NBEA: variants seen among roughly 807,000 people sequenced by gnomAD.
NBEA encodes the protein neurobeachin.
NBEA carries 44 observed loss-of-function variants against 343.4 expected under a neutral mutation model. The observed-to-expected ratio is 0.13, with a 90% confidence interval of 0.10 to 0.16. The LOEUF is 0.16. Ranked by LOEUF, NBEA falls within the 10% of genes least tolerant of loss-of-function variation. The pLI, the probability that NBEA is intolerant of heterozygous loss-of-function variation, is 1.00. For synonymous variants in NBEA, 1,175 were observed against 1,238.7 expected, an observed-to-expected ratio of 0.95 and a Z score of 1.08; for missense variants, 2,555 against 3,631.3, an observed-to-expected ratio of 0.70 and a Z score of 7.62.
At chr13:35,431,819 A>T (rs895530900) in intron 38 of NBEA, among the ~76,000 whole-genome samples, 2 of 152,150 alleles carry the variant, frequency 1.3e-5, no homozygotes, top group Non-Finnish European at 2.9e-5. Context: ...TATACTTCTT[A>T]ATTCAGCCTA....
chr13:34,977,123 A>C (rs144732241), intron 1 of NBEA, among the ~76,000 whole-genome samples: 8 of 151,824 alleles, frequency 5.3e-5, no homozygotes, highest in Admixed American at 5.3e-4. Flanking sequence ...TATTTTTAGT[A>C]GAGATGATAT....
chr13:35,430,204 G>C (rs1183325360), intron 38 of NBEA, among the ~76,000 whole-genome samples: 1 of 151,940 alleles, frequency 6.6e-6, no homozygotes, highest in Non-Finnish European at 1.5e-5. Flanking sequence ...GCATTTCTCT[G>C]ATAATTAATG....
chr13:35,177,828 A>G (rs1189292861), intron 28 of NBEA, among the ~76,000 whole-genome samples: 1 of 151,752 alleles, frequency 6.6e-6, no homozygotes, highest in Non-Finnish European at 1.5e-5. Flanking sequence ...TGTATATGAA[A>G]TGTAGAAGAA....
chr13:35,049,629 G>A (rs1208336569), intron 5 of NBEA, among the ~76,000 whole-genome samples: 1 of 151,836 alleles, frequency 6.6e-6, no homozygotes, highest in Admixed American at 6.6e-5. Flanking sequence ...GGACTTCAAA[G>A]TGGTCATTTT....
intron 38 of NBEA, among the ~76,000 whole-genome samples, chr13:35,377,000 T>C (rs1352926901): frequency 6.6e-6 from 1 of 152,152 alleles, no homozygotes; most frequent in Non-Finnish European, 1.5e-5. Context: ...AAGCCTATTA[T>C]AGTTACATAC....
chr13:35,242,120 T>A (rs948971166), intron 34 of NBEA, among the ~76,000 whole-genome samples: 3 of 151,902 alleles, frequency 2.0e-5, no homozygotes, highest in Admixed American at 6.6e-5. Context: ...TTAAAACAAC[T>A]GTCTTTAATA....
intron 38 of NBEA, among the ~76,000 whole-genome samples, chr13:35,394,951 T>A (rs1261852103): frequency 1.3e-5 from 2 of 152,168 alleles, no homozygotes; most frequent in Non-Finnish European, 2.9e-5. Context: ...TTTATCTGTT[T>A]TACTTCCTTT....
At chr13:35,653,278 G>A (rs1305554738) in intron 53 of NBEA, among the ~76,000 whole-genome samples, 5 of 149,978 alleles carry the variant, frequency 3.3e-5, no homozygotes, top group Admixed American at 6.6e-5. Context: ...AAAATGCTAC[G>A]AAAAATTATT....
intron 38 of NBEA, among the ~76,000 whole-genome samples, chr13:35,378,321 CAG>C (rs1594409999): frequency 6.6e-6 from 1 of 152,124 alleles, no homozygotes; most frequent in African/African-American, 2.4e-5. Flanking sequence ...TTCTAAGAGA[CAG>C]AGAAAAATTC....
chr13:35,551,893 TTTATC>T (rs2079344304), intron 43 of NBEA, among the ~76,000 whole-genome samples: 3 of 152,202 alleles, frequency 2.0e-5, no homozygotes, highest in African/African-American at 7.2e-5. Context: ...TAAAGCAATC[TTTATC>T]TTAAGTCCCT....
intron 1 of NBEA, among the ~76,000 whole-genome samples, chr13:34,967,348 CTT>C (rs1355519773): frequency 6.9e-6 from 1 of 145,008 alleles, no homozygotes; most frequent in African/African-American, 2.5e-5. Flanking sequence ...TTTCTTTTAC[CTT>C]TTTTTTTTTA....
At position 35,429,834 on chromosome 13, in the gene NBEA, T is replaced by TAC. The variant is rs1555262950; in HGVS notation, c.6180-2429_6180-2428dup. Among the ~76,000 whole-genome samples the TAC allele has an allele frequency of 8.6e-3, 1,273 of 148,440 alleles. 17 individuals are homozygous for TAC. The highest frequency in any genetic ancestry group is 0.022 in the East Asian group (109 of 4,882). ...GTGTGTGTGTGTGTGTGTGTGTGTG[T>TAC]ACACACATTTTCTTTATCCACTCAC... On this transcript the variant is annotated intron_variant, in intron 38 of 58. Transcript: ENST00000379939.
At chr13:35,277,809 G>A (rs902579341) in intron 34 of NBEA, among the ~76,000 whole-genome samples, 3 of 151,332 alleles carry the variant, frequency 2.0e-5, no homozygotes, top group Non-Finnish European at 2.9e-5. Context: ...ATTTAGAGTC[G>A]GTTACAGTGG....
chr13:35,099,196 A>C (rs954587649), intron 11 of NBEA, among the ~76,000 whole-genome samples: 1 of 138,266 alleles, frequency 7.2e-6, no homozygotes, highest in Non-Finnish European at 1.6e-5. Context: ...TGCCTGGCTA[A>C]AGTTTTTTTT....
chr13:35,547,920 AT>A (rs1376918667), intron 41 of NBEA, among the ~76,000 whole-genome samples: 17 of 151,044 alleles, frequency 1.1e-4, no homozygotes, highest in Non-Finnish European at 7.4e-5. Flanking sequence ...TGATGAAGCC[AT>A]TTATGGGAGG....
chr13:35,620,045 A>C (rs1004313801), intron 48 of NBEA, among the ~76,000 whole-genome samples: 3 of 152,032 alleles, frequency 2.0e-5, no homozygotes, highest in Non-Finnish European at 4.4e-5. Context: ...CAGAAGGTGC[A>C]CTCTAGTTAG....
intron 1 of NBEA, among the ~76,000 whole-genome samples, chr13:34,992,255 TATATATA>T (rs1457629617): frequency 2.9e-5 from 4 of 137,504 alleles, no homozygotes; most frequent in South Asian, 2.3e-4. Context: ...TATATATATA[TATATATA>T]TTTTTTTTTT....
At chr13:35,051,821 G>A (rs1356678243) in intron 6 of NBEA, among the ~76,000 whole-genome samples, 1 of 151,992 alleles carries the variant, frequency 6.6e-6, no homozygotes, top group Non-Finnish European at 1.5e-5. Context: ...TTAGGATTGT[G>A]TGTTTTTAAC....
chr13:35,637,280 A>G (rs2083731854), intron 49 of NBEA, among the ~76,000 whole-genome samples: 1 of 152,206 alleles, frequency 6.6e-6, no homozygotes, highest in Admixed American at 6.5e-5. Flanking sequence ...CTACTATCAA[A>G]ATAGAAAATA....
Sources: allele counts gnomAD v4.1 joint callset (sites outside exome capture counted in the v4.1 genomes callset), GRCh38; gene constraint gnomAD v4.1.1; transcripts MANE v1.5; gene names NCBI Gene and HGNC (gene_info 2026-07-23, HGNC 2026-07-21).